ZNF831: variants seen among roughly 807,000 people sequenced by gnomAD.
ZNF831 encodes the protein chromosome 20 open reading frame 174.
Under a neutral mutation model 95.8 loss-of-function variants are expected in ZNF831, and 59 were observed. The ratio of observed to expected loss-of-function variants is 0.62; its 90% CI spans 0.50 to 0.77. The LOEUF is 0.77. Ranked by LOEUF, ZNF831 falls within the 30% of genes least tolerant of loss-of-function variation. The probability of loss-of-function intolerance (pLI) is 0.00; values close to 1 mark genes in which losing one functional copy is unlikely to be tolerated. For missense variants in ZNF831, 2,205 were observed against 2,164.0 expected (o/e 1.02, Z -0.38); for synonymous variants, 961 against 925.5 (o/e 1.04, Z -0.70).
At position 59,191,869 on chromosome 20, in the gene ZNF831, C is replaced by T. The variant is rs2146555421; in HGVS notation, c.850C>T (p.Pro284Ser). Residue 284 changes from proline (P) to serine (S), a missense_variant, in exon 2 of 6, where the codon CCC becomes TCC. Physicochemically the swap from Pro to Ser is moderately conservative, Grantham distance 74. Transcript: ENST00000371030. ...CAGAGAGGCTCCTTGGGACTCTGCC[C>T]CCATGGCGTCACCTGGGCTCCCAGC... The part of the protein sequence containing the change: ...ADREAPWDSA[P>S]MASPGLPAAS... The T allele has an allele frequency of 6.2e-7, 1 of 1,613,158 alleles. No individual in the cohort carries two copies. Among genetic ancestry groups the T allele is most frequent in the Non-Finnish European group, 8.5e-7 (1 of 1,179,978 alleles).
At chr20:59,139,355 A>G (rs1295193687) in intron 1 of ZNF831, among the ~76,000 whole-genome samples, 2 of 152,280 alleles carry the variant, frequency 1.3e-5, no homozygotes. Context: ...TGAGATGGAA[A>G]CTTGAAATAA....
At chr20:59,161,988 T>C (rs771707706), upstream of ZNF831, among the ~76,000 whole-genome samples, 1 of 152,206 alleles carries the variant, frequency 6.6e-6, no homozygotes, top group Non-Finnish European at 1.5e-5. Flanking sequence ...CTCATTGTGG[T>C]TTTGATTTGC....
intron 2 of ZNF831, among the ~76,000 whole-genome samples, chr20:59,195,457 GC>G (rs1984019455): frequency 6.6e-6 from 1 of 152,236 alleles, no homozygotes; most frequent in Non-Finnish European, 1.5e-5. Flanking sequence ...CCAGAGTCTT[GC>G]AGGCTGTTCG....
In ZNF831 at chr20:59,141,706, C is replaced by A. The variant is rs551709892; in HGVS notation, c.-1424-4525C>A. On this transcript the variant is annotated intron_variant, in intron 1 of 7. Transcript: ENST00000637017. ...TACTTGAGCTATTCTAGTTCCTTTG[C>A]CTTTCCATGTAAATTTTAGAACAAA... Among the ~76,000 whole-genome samples, 4 of 152,234 alleles carry A rather than the reference C, an allele frequency of 2.6e-5. No homozygotes were observed. In the South Asian group the frequency reaches 8.3e-4, roughly 32 times the overall value.
chr20:59,225,010 T>G (rs1986339853), intron 4 of ZNF831, among the ~76,000 whole-genome samples: 1 of 152,008 alleles, frequency 6.6e-6, no homozygotes, highest in African/African-American at 2.4e-5. Flanking sequence ...TGCTTTTAAC[T>G]GGTGGGGGAA....
intron 3 of ZNF831, among the ~76,000 whole-genome samples, chr20:59,200,834 C>G (rs1018033201): frequency 6.6e-6 from 1 of 151,904 alleles, no homozygotes; most frequent in Non-Finnish European, 1.5e-5. Context: ...TTATTGCTAA[C>G]TAGTATGCCA....
Position 59,255,377 on chromosome 20 carries a change from C to T in ZNF831, c.*634C>T, listed in dbSNP as rs1442213986. 6.6e-6 allele frequency: 1 copy of T among 152,394 alleles called. No individual in the cohort carries two copies. The highest frequency in any genetic ancestry group is 1.5e-5 in the Non-Finnish European group (1 of 68,198). 9.4% of individuals were successfully genotyped at this position (152,394 alleles called of 1,614,324 possible). On this transcript the variant is annotated 3_prime_UTR_variant, in exon 6 of 6. Coordinates refer to ENST00000371030, the MANE Select transcript of ZNF831 (RefSeq NM_178457.3). The stretch of plus-strand genomic sequence containing the variant: ...AATACACTTCAAAATGCCTATGATC[C>T]GGTGACATGCTGATTACTTTTAAAT...
intron 1 of ZNF831, among the ~76,000 whole-genome samples, chr20:59,134,489 C>A (rs533721908): frequency 1.3e-5 from 2 of 152,194 alleles, no homozygotes; most frequent in Non-Finnish European, 2.9e-5. Context: ...CTCTCTTGAC[C>A]TTTAAGCAGA....
At chr20:59,204,394 C>T (rs936654916) in intron 3 of ZNF831, among the ~76,000 whole-genome samples, 6 of 152,232 alleles carry the variant, frequency 3.9e-5, no homozygotes, top group African/African-American at 1.4e-4. Context: ...GCCTCTGCTG[C>T]ATGTGACCCC....
chr20:59,194,060 A>C lies in ZNF831; in HGVS notation c.3041A>C (p.Gln1014Pro), dbSNP rs2146593647. ...GAGGACCCCAGCTGTTCCAGGCCACAGGATGGGAGAAAAGGGGCACAGTTG... is the reference window on the plus strand; with the variant it reads ...GAGGACCCCAGCTGTTCCAGGCCACCGGATGGGAGAAAAGGGGCACAGTTG... ...ILEDPSCSRP[Q>P]DGRKGAQLGG... is the part of the protein sequence containing the mutation. The change falls in exon 2 of 6, where the codon CAG (glutamine) becomes CCG (proline). Residue 1014 changes from glutamine (Q) to proline (P), a missense_variant. Coordinates refer to ENST00000371030, the MANE Select transcript of ZNF831 (RefSeq NM_178457.3). 3.9e-6 allele frequency: 6 copies of C among 1,530,220 alleles called. No individual in the cohort carries two copies. Among genetic ancestry groups the C allele is most frequent in the Non-Finnish European group, 5.3e-6 (6 of 1,140,240 alleles). 94.8% of individuals were successfully genotyped at this position (1,530,220 alleles called of 1,614,324 possible).
At chr20:59,180,563 C>T (rs1188396687) in intron 1 of ZNF831, among the ~76,000 whole-genome samples, 1 of 151,982 alleles carries the variant, frequency 6.6e-6, no homozygotes, top group Non-Finnish European at 1.5e-5. Context: ...TGTGATGTTC[C>T]CCTCCCTGTG....
chr20:59,157,308 A>AAATG (rs527779279), intron 2 of ZNF831, among the ~76,000 whole-genome samples: 2 of 152,224 alleles, frequency 1.3e-5, no homozygotes, highest in Non-Finnish European at 2.9e-5. Context: ...TTAAAAACTA[A>AAATG]AATGAAAACA....
At position 59,128,540 on chromosome 20, in the gene ZNF831, G is replaced by T. The variant is rs193084919; in HGVS notation, c.-1425+5035G>T. 8.5e-5 allele frequency among the ~76,000 whole-genome samples: 13 copies of T among 152,322 alleles called. 1 individual carries two copies. In the East Asian group the frequency reaches 2.3e-3, roughly 27 times the overall value. ...CCAGGAGGCAGCATGGCAGAGAGGAGTGGCTGAGACAGAGCCGCAGTGTGA... is the reference window on the plus strand; with the variant it reads ...CCAGGAGGCAGCATGGCAGAGAGGATTGGCTGAGACAGAGCCGCAGTGTGA... On this transcript the variant is annotated intron_variant, in intron 1 of 7. Coordinates refer to the ZNF831 transcript ENST00000637017.
rs1414461453 is a variant in ZNF831 at position 59,217,196 on chromosome 20, AAC to A, written c.4027+10144_4027+10145del. Among the ~76,000 whole-genome samples the A allele has an allele frequency of 1.0e-5, 1 of 100,064 alleles. No homozygotes were observed. The highest frequency in any genetic ancestry group is 1.8e-5 in the Non-Finnish European group (1 of 54,788). 65.6% of individuals were successfully genotyped at this position (100,064 alleles called of 152,430 possible). A position where few individuals can be genotyped will look rare whatever the true frequency, so the allele number is the denominator to read the frequency against. On this transcript the variant is annotated intron_variant, in intron 4 of 5. Coordinates refer to ENST00000371030, the MANE Select transcript of ZNF831 (RefSeq NM_178457.3). The surrounding 1 kb of genome is among the most constrained non-coding windows in gnomAD (Gnocchi z 4.4). ...TGTGTGTGTGTGTGTGTGTGTGTGTAACACAGCAGCAGCACACTGCACATCTC... is the reference window on the plus strand; with the variant it reads ...TGTGTGTGTGTGTGTGTGTGTGTGTAACAGCAGCAGCACACTGCACATCTC...
At chr20:59,237,566 C>T (rs1233996135) in intron 4 of ZNF831, among the ~76,000 whole-genome samples, 4 of 152,116 alleles carry the variant, frequency 2.6e-5, no homozygotes, top group Non-Finnish European at 4.4e-5. Flanking sequence ...AGGCTGGTCT[C>T]GAGCTCTTGA....
intron 3 of ZNF831, among the ~76,000 whole-genome samples, chr20:59,200,871 A>G (rs1292665697): frequency 3.3e-5 from 5 of 152,102 alleles, no homozygotes; most frequent in Admixed American, 3.3e-4. Context: ...CAATTTGTAT[A>G]CATGTTCACT....
Position 59,191,268 on chromosome 20 carries a change from TG to T in ZNF831, c.254del (p.Gly85AlafsTer29). On this transcript the variant is annotated frameshift_variant, in exon 2 of 6. Coordinates refer to ENST00000371030, the MANE Select transcript of ZNF831 (RefSeq NM_178457.3). LOFTEE classifies it high-confidence loss of function. ...RAPLVTGSLD[G>X]GNVPFILSPV... The stretch of plus-strand genomic sequence containing the variant: ...CCCCGCTAGTGACGGGCAGCCTAGA[TG>T]GGGGCAACGTGCCCTTCATACTCAG... The T allele has an allele frequency of 3.8e-6, 6 of 1,559,814 alleles. No individual in the cohort carries two copies. Among genetic ancestry groups the T allele is most frequent in the Non-Finnish European group, 5.2e-6 (6 of 1,153,046 alleles).
chr20:59,127,251 CA>C (rs561453984), intron 1 of ZNF831, among the ~76,000 whole-genome samples: 2 of 152,180 alleles, frequency 1.3e-5, no homozygotes, highest in East Asian at 3.9e-4. Context: ...CTCTTGAGTC[CA>C]CGTCACCATT....
At chr20:59,244,131 T>A (rs888175869) in intron 4 of ZNF831, among the ~76,000 whole-genome samples, 6 of 151,710 alleles carry the variant, frequency 4.0e-5, no homozygotes, top group African/African-American at 1.2e-4. Flanking sequence ...TTGCCTTTCA[T>A]CAAAGAAAGA....
Sources: allele counts gnomAD v4.1 joint callset (sites outside exome capture counted in the v4.1 genomes callset), GRCh38; gene constraint gnomAD v4.1.1; non-coding constraint Gnocchi (gnomAD v3.1); transcripts MANE v1.5; gene names NCBI Gene and HGNC (gene_info 2026-07-23, HGNC 2026-07-21).